The following ANKFN1 variants were observed in gnomAD, a reference collection of about 807,000 sequenced individuals.
ANKFN1 encodes the protein ankyrin repeat and fibronectin type-III domain-containing protein 1.
A neutral mutation model predicts 108.7 loss-of-function variants in ANKFN1; 74 were observed. That is an observed-to-expected ratio of 0.68 (90% CI 0.56 to 0.83). ANKFN1 has a LOEUF of 0.83. Ranked by LOEUF, ANKFN1 falls within the 40% of genes least tolerant of loss-of-function variation. The probability of loss-of-function intolerance (pLI) is 0.00; values close to 1 mark genes in which losing one functional copy is unlikely to be tolerated. For synonymous variants in ANKFN1, 547 were observed against 516.2 expected (o/e 1.06, Z -0.81); for missense variants, 1,505 against 1,382.3 (o/e 1.09, Z -1.41).
chr17:56,480,730 C>T lies in ANKFN1; in HGVS notation c.2003C>T (p.Thr668Ile), dbSNP rs774962475. The stretch of plus-strand genomic sequence containing the variant: ...GAATCTATGGAAAGTGTGGATCATA[C>T]TTCTGACTGCCCCATGCAATTGTTC... ...GSESMESVDHTSDCPMQLFFY... is the reference protein window; with the variant it reads ...GSESMESVDHISDCPMQLFFY... Residue 668 changes from threonine to isoleucine, a missense_variant, in exon 17 of 21, where the codon ACT (threonine) becomes ATT (isoleucine). By Grantham distance (89) the Thr-to-Ile change is moderately conservative (BLOSUM62 -1). Transcript: ENST00000682825. The T allele has an allele frequency of 6.2e-7, 1 of 1,613,998 alleles. No homozygotes were observed. Among genetic ancestry groups the T allele is most frequent in the South Asian group, 1.1e-5 (1 of 91,074 alleles).
intron 3 of ANKFN1, among the ~76,000 whole-genome samples, chr17:56,239,794 G>C (rs1917446922): frequency 6.6e-6 from 1 of 152,124 alleles, no homozygotes; most frequent in Non-Finnish European, 1.5e-5. Flanking sequence ...CTACTGGTCA[G>C]CATACAAATG....
rs1269374068 is a variant in ANKFN1, at chr17:56,095,016, A to C, written c.288+48691A>C. On this transcript the variant is annotated intron_variant, in intron 4 of 12. Transcript: ENST00000635860. ...GGGTTAAATTGTGCTCCAAGTCCCAAGTAAACAGCCTAAAATCTTTATACA... is the reference window on the plus strand; with the variant it reads ...GGGTTAAATTGTGCTCCAAGTCCCACGTAAACAGCCTAAAATCTTTATACA... Among the ~76,000 whole-genome samples, 3 of 151,162 alleles carry C rather than the reference A, an allele frequency of 2.0e-5. No homozygotes were observed. The East Asian group carries it at 5.8e-4, about 29-fold the overall frequency.
intron 15 of ANKFN1, among the ~76,000 whole-genome samples, chr17:56,467,745 A>G (rs1367057229): frequency 1.1e-4 from 3 of 26,938 alleles, no homozygotes; most frequent in Non-Finnish European, 2.0e-4. Flanking sequence ...GAAAGAAACA[A>G]AGAAAGAAAG....
At chr17:56,099,041 G>A (rs909214032) in intron 4 of ANKFN1, among the ~76,000 whole-genome samples, 3 of 152,170 alleles carry the variant, frequency 2.0e-5, no homozygotes, top group Admixed American at 6.5e-5. Flanking sequence ...TGCCCAGCAG[G>A]TTTAGAACAG....
intron 3 of ANKFN1, among the ~76,000 whole-genome samples, chr17:56,230,070 G>T (rs1054541184): frequency 7.2e-5 from 11 of 152,066 alleles, no homozygotes; most frequent in African/African-American, 2.7e-4. Context: ...CCTAATCAAC[G>T]TTCCATTCAG....
At chr17:56,118,863 C>A (rs765994388) in intron 4 of ANKFN1, among the ~76,000 whole-genome samples, 1 of 152,032 alleles carries the variant, frequency 6.6e-6, no homozygotes, top group Admixed American at 6.6e-5. Context: ...GATTTGTAAT[C>A]TATTGATTTG....
intron 3 of ANKFN1, 141 bp downstream of exon 3, chr17:56,228,098 T>A: frequency 1.5e-6 from 1 of 659,436 alleles, no homozygotes; most frequent in Non-Finnish European, 2.5e-6. Context: ...CATTTCATAC[T>A]ATTGATTTGT....
intron 1 of ANKFN1, among the ~76,000 whole-genome samples, chr17:56,187,021 A>G (rs967584932): frequency 1.7e-4 from 26 of 152,216 alleles, no homozygotes; most frequent in African/African-American, 5.3e-4. Context: ...GGACATAGGC[A>G]TGGGCAAGGA....
At chr17:56,219,823 C>A (rs1379811735) in intron 2 of ANKFN1, among the ~76,000 whole-genome samples, 4 of 152,188 alleles carry the variant, frequency 2.6e-5, no homozygotes, top group Non-Finnish European at 4.4e-5. Context: ...ATTTTCTGCT[C>A]CAATGGCGGC....
chr17:56,170,807 T>TATATATATATATACACACACACAC (rs1361307404), intron 1 of ANKFN1, among the ~76,000 whole-genome samples: 2 of 61,450 alleles, frequency 3.3e-5, no homozygotes, highest in African/African-American at 1.4e-4. Context: ...TATATATATA[T>TATATATATATATACACACACACAC]ACACACACAC....
intron 20 of ANKFN1, among the ~76,000 whole-genome samples, chr17:56,505,242 G>A (rs2051514928): frequency 6.6e-6 from 1 of 152,166 alleles, no homozygotes; most frequent in Non-Finnish European, 1.5e-5. Context: ...ATCCTTTCAG[G>A]ATGCGTTGCT....
chr17:56,330,109 G>T (rs1193007312), intron 4 of ANKFN1, among the ~76,000 whole-genome samples: 1 of 152,162 alleles, frequency 6.6e-6, no homozygotes, highest in African/African-American at 2.4e-5. Context: ...CTCATAGAAA[G>T]TGTTATAGAA....
intron 3 of ANKFN1, among the ~76,000 whole-genome samples, chr17:56,258,827 C>T (rs1284577150): frequency 1.3e-5 from 2 of 152,086 alleles, no homozygotes; most frequent in Admixed American, 6.5e-5. Flanking sequence ...AGGAGAATGG[C>T]GTGAACCCGG....
At chr17:56,459,494 A>G (rs1057158846) in intron 14 of ANKFN1, among the ~76,000 whole-genome samples, 2 of 152,132 alleles carry the variant, frequency 1.3e-5, no homozygotes, top group East Asian at 1.9e-4. Context: ...TGCTGAATTC[A>G]AAGTGCCTCG....
intron 5 of ANKFN1, among the ~76,000 whole-genome samples, chr17:56,351,191 C>A (rs993355449): frequency 6.6e-6 from 1 of 151,688 alleles, no homozygotes; most frequent in Non-Finnish European, 1.5e-5. Context: ...TTTTTCTTCT[C>A]TCTTAATTTT....
intron 4 of ANKFN1, among the ~76,000 whole-genome samples, chr17:56,085,851 G>A (rs1443989058): frequency 6.6e-6 from 1 of 151,494 alleles, no homozygotes; most frequent in East Asian, 1.9e-4. Flanking sequence ...TCTGACTCAA[G>A]CTTGTAAGCA....
chr17:56,321,739 G>A (rs185814093), intron 3 of ANKFN1, among the ~76,000 whole-genome samples: 2 of 152,256 alleles, frequency 1.3e-5, no homozygotes, highest in African/African-American at 4.8e-5. Context: ...TCAGAGGAGA[G>A]TATACTAAAA....
chr17:56,418,346 G>T (rs994820314), intron 8 of ANKFN1, among the ~76,000 whole-genome samples: 14 of 151,970 alleles, frequency 9.2e-5, no homozygotes, highest in Admixed American at 9.2e-4. Context: ...ATATAATTCT[G>T]GAAAATCAAA....
At chr17:56,133,278 T>A (rs1427815188) in intron 4 of ANKFN1, among the ~76,000 whole-genome samples, 1 of 152,208 alleles carries the variant, frequency 6.6e-6, no homozygotes, top group African/African-American at 2.4e-5. Flanking sequence ...AATTTTTACA[T>A]GGTGCAAGAT....
Sources: allele counts gnomAD v4.1 joint callset (sites outside exome capture counted in the v4.1 genomes callset), GRCh38; gene constraint gnomAD v4.1.1; transcripts MANE v1.5; gene names NCBI Gene and HGNC (gene_info 2026-07-23, HGNC 2026-07-21).